GP6: variants seen among roughly 807,000 people sequenced by gnomAD.
GP6 encodes platelet glycoprotein VI.
GP6 carries 45 observed loss-of-function variants against 37.3 expected under a neutral mutation model. That is an observed-to-expected ratio of 1.21 (90% CI 0.95 to 1.55). The LOEUF (loss-of-function observed/expected upper bound fraction) is 1.55. Among genes scored for constraint, GP6 ranks in the 40% most tolerant of loss-of-function variants. GP6 has a pLI of 0.00. For missense variants in GP6, 813 were observed against 760.2 expected (o/e 1.07, Z -0.82); for synonymous variants, 340 against 316.4 (o/e 1.07, Z -0.79).
chr19:55,033,711 A>G (rs1373034582), intron 1 of GP6, among the ~76,000 whole-genome samples: 4 of 152,176 alleles, frequency 2.6e-5, no homozygotes, highest in Non-Finnish European at 4.4e-5. Flanking sequence ...TGTAAATACT[A>G]TTGCATATTG....
Position 55,024,360 on chromosome 19 carries a change from A to G in GP6, c.664+858T>C, listed in dbSNP as rs5026022. On this transcript the variant is annotated intron_variant, in intron 5 of 7. Transcript: ENST00000310373. ...CACACACGCACATGCACGCACACAC[A>G]CATATGCACGCACACAGTATGTGAC... is the stretch of plus-strand genomic sequence containing the variant. 3.5e-3 allele frequency among the ~76,000 whole-genome samples: 452 copies of G among 130,420 alleles called. 9 individuals are homozygous for G. The highest frequency in any genetic ancestry group is 0.011 in the African/African-American group (378 of 35,570). 85.6% of individuals were successfully genotyped at this position (130,420 alleles called of 152,430 possible).
At chr19:55,026,855 C>T (rs1411177091) in intron 4 of GP6, among the ~76,000 whole-genome samples, 6 of 151,574 alleles carry the variant, frequency 4.0e-5, no homozygotes, top group South Asian at 2.1e-4. Context: ...CACTGCACTC[C>T]AGCCTGGGTG....
intron 5 of GP6, among the ~76,000 whole-genome samples, chr19:55,021,800 G>A (rs1277318149): frequency 4.6e-5 from 7 of 152,114 alleles, no homozygotes; most frequent in Admixed American, 2.6e-4. Flanking sequence ...GATTACCGGC[G>A]TGAGCCACCG....
intron 4 of GP6, among the ~76,000 whole-genome samples, chr19:55,025,870 C>T (rs1378039873): frequency 6.7e-6 from 1 of 150,270 alleles, no homozygotes; most frequent in East Asian, 2.0e-4. Context: ...GGCATGATGG[C>T]AGGTGCCTGT....
At chr19:55,025,974 C>T (rs1304958119) in intron 4 of GP6, among the ~76,000 whole-genome samples, 1 of 145,688 alleles carries the variant, frequency 6.9e-6, no homozygotes, top group East Asian at 2.0e-4. Context: ...TGCACTCCAG[C>T]CTGGGTGACA....
Position 55,015,098 on chromosome 19 carries a change from T to A in GP6, c.847A>T (p.Asn283Tyr), listed in dbSNP as rs201436629. The A allele has an allele frequency of 5.5e-5, 87 of 1,594,992 alleles. No individual in the cohort carries two copies. In the Admixed American group the frequency reaches 7.2e-4, roughly 13 times the overall value. ...CCTCTGCCAGAAACCCCGCCAGGAT[T>A]ATTAGGATCACAGCCCCGAGGCATA... The change falls in exon 8 of 8, where the codon AAT becomes TAT. Residue 283 changes from asparagine to tyrosine, a missense_variant. Transcript: ENST00000310373.
chr19:55,024,987 T>A (rs769413054), intron 5 of GP6, among the ~76,000 whole-genome samples: 2 of 152,206 alleles, frequency 1.3e-5, no homozygotes, highest in Non-Finnish European at 2.9e-5. Flanking sequence ...TTCTTCTGCA[T>A]GTTATATGTG....
Position 55,014,570 on chromosome 19 carries a change from C to T in GP6, c.1375G>A (p.Ala459Thr). ...GATGGAACAGAGTCAACCCTGAGAG[C>T]TGGGAACCTTAGAGATCCGTCTGGA... The change falls in exon 8 of 8, where the codon GCT becomes ACT. Residue 459 changes from alanine to threonine, a missense_variant. By Grantham distance (58) the Ala-to-Thr change is moderately conservative. Coordinates refer to ENST00000310373, the MANE Select transcript of GP6 (RefSeq NM_001083899.2). 1 of 1,613,332 alleles carries T rather than the reference C, an allele frequency of 6.2e-7. No homozygotes were observed. The highest frequency in any genetic ancestry group is 8.5e-7 in the Non-Finnish European group (1 of 1,179,402).
chr19:55,029,346 ATATATATATATATATATATATATATATAT>A (rs2074450774), intron 3 of GP6, among the ~76,000 whole-genome samples: 2 of 2,682 alleles, frequency 7.5e-4, no homozygotes, highest in African/African-American at 2.3e-3. Context: ...ATATATATAT[ATATATATATATATATATATATATATATAT>A]TTTTTTTTTT....
At chr19:55,036,214 G>A (rs1274001761) in intron 1 of GP6, among the ~76,000 whole-genome samples, 1 of 152,060 alleles carries the variant, frequency 6.6e-6, no homozygotes, top group Non-Finnish European at 1.5e-5. Flanking sequence ...GTATGCAAAG[G>A]CATGCAGAGT....
At chr19:55,032,698 T>G in intron 1 of GP6, 160 bp from the exon 2 acceptor site, 1 of 803,148 alleles carries the variant, frequency 1.2e-6, no homozygotes, top group Non-Finnish European at 2.1e-6. Context: ...GAGAAACCGG[T>G]CAGAAAAAGC....
chr19:55,029,076 T>C (rs918333136), intron 3 of GP6, among the ~76,000 whole-genome samples: 1 of 145,466 alleles, frequency 6.9e-6, no homozygotes, highest in Admixed American at 7.0e-5. Context: ...TGGCATTCAC[T>C]CAACAAGAAG....
intron 1 of GP6, among the ~76,000 whole-genome samples, chr19:55,037,190 G>T (rs4806636): frequency 0.47 from 71,134 of 151,852 alleles, 17,084 homozygotes; most frequent in East Asian, 0.58. Context: ...AGGAAATAAT[G>T]CATTCGACAT....
chr19:55,030,194 A>G (rs1445522672), intron 3 of GP6, among the ~76,000 whole-genome samples: 2 of 151,976 alleles, frequency 1.3e-5, no homozygotes, highest in African/African-American at 2.4e-5. Flanking sequence ...TCTAGAAAAT[A>G]ACCATTTAAA....
chr19:55,033,178 G>C (rs2074661594), intron 1 of GP6, among the ~76,000 whole-genome samples: 1 of 148,272 alleles, frequency 6.7e-6, no homozygotes, highest in South Asian at 2.2e-4. Flanking sequence ...GGGTTCGTTC[G>C]TGTTAGACGC....
At chr19:55,024,248 A>G (rs1364675220) in intron 5 of GP6, among the ~76,000 whole-genome samples, 1 of 111,564 alleles carries the variant, frequency 9.0e-6, no homozygotes, top group Non-Finnish European at 2.1e-5. Context: ...AAATTCAGTC[A>G]GAAGCACACG....
chr19:55,020,204 CCTTTTT>C (rs1179102045), intron 5 of GP6, among the ~76,000 whole-genome samples: 1 of 114,624 alleles, frequency 8.7e-6, no homozygotes, highest in Non-Finnish European at 2.1e-5. Context: ...CATTAATAAA[CCTTTTT>C]TTTTTTTTTC....
intron 1 of GP6, among the ~76,000 whole-genome samples, chr19:55,037,807 G>A (rs1329048546): frequency 1.3e-5 from 2 of 151,284 alleles, no homozygotes; most frequent in Non-Finnish European, 2.9e-5. Flanking sequence ...AATTTTTGTA[G>A]AGATGGGGTT....
At chr19:55,034,872 G>A (rs1440860246) in intron 1 of GP6, among the ~76,000 whole-genome samples, 1 of 152,138 alleles carries the variant, frequency 6.6e-6, no homozygotes, top group Non-Finnish European at 1.5e-5. Context: ...AGCTCAGAGA[G>A]TGACAACTTG....
Sources: gnomAD v4.1 joint callset for allele counts (sites outside exome capture counted in the v4.1 genomes callset) on GRCh38, gnomAD v4.1.1 for gene constraint, MANE v1.5 for transcripts, NCBI Gene and HGNC (gene_info 2026-07-23, HGNC 2026-07-21) for gene names.